The following BEND7 variants were observed in gnomAD, a reference collection of about 807,000 sequenced individuals.
BEND7 encodes the protein BEN domain-containing protein 7.
A neutral mutation model predicts 50.9 loss-of-function variants in BEND7; 28 were observed. The observed-to-expected ratio is 0.55, with a 90% CI of 0.41 to 0.75. BEND7 has a LOEUF of 0.75. BEND7 is among the 30% of genes least tolerant of loss of function. The probability of loss-of-function intolerance (pLI) is 0.00; values close to 1 mark genes in which losing one functional copy is unlikely to be tolerated. For missense variants in BEND7, 477 were observed against 491.3 expected, an observed-to-expected ratio of 0.97 and a Z score of 0.28; for synonymous variants, 170 against 183.9, an observed-to-expected ratio of 0.92 and a Z score of 0.61.
At chr10:13,475,707 C>T (rs934519358) in intron 6 of BEND7, among the ~76,000 whole-genome samples, 1 of 152,024 alleles carries the variant, frequency 6.6e-6, no homozygotes, top group African/African-American at 2.4e-5. Context: ...ATAAAGAATC[C>T]AAATGCTAGA....
intron 7 of BEND7, among the ~76,000 whole-genome samples, chr10:13,449,818 C>T (rs778993429): frequency 5.9e-5 from 9 of 152,066 alleles, no homozygotes; most frequent in East Asian, 1.9e-4. Flanking sequence ...AATCAGAACA[C>T]GCTAGCTGCA....
downstream of BEND7, among the ~76,000 whole-genome samples, chr10:13,439,931 TTC>T (rs1338557268): frequency 6.6e-6 from 1 of 152,216 alleles, no homozygotes; most frequent in African/African-American, 2.4e-5. Flanking sequence ...CGCCCGTCTT[TTC>T]TCTTTTATCC....
At chr10:13,454,736 A>G (rs1030429582) in intron 6 of BEND7, among the ~76,000 whole-genome samples, 8 of 152,176 alleles carry the variant, frequency 5.3e-5, no homozygotes, top group African/African-American at 1.7e-4. Flanking sequence ...AATATTTTCA[A>G]TCTGCAGCTG....
At chr10:13,461,593 C>T (rs1348227449) in intron 6 of BEND7, among the ~76,000 whole-genome samples, 1 of 152,088 alleles carries the variant, frequency 6.6e-6, no homozygotes, top group African/African-American at 2.4e-5. Context: ...ATTAGCTGGG[C>T]GTGGTGGTGC....
chr10:13,478,265 A>G (rs558174346), intron 6 of BEND7, among the ~76,000 whole-genome samples: 2 of 152,342 alleles, frequency 1.3e-5, no homozygotes, highest in East Asian at 1.9e-4. Flanking sequence ...GGAGTTCACA[A>G]CTGAGTTCCC....
chr10:13,492,520 C>T, intron 5 of BEND7, 91 bp downstream of exon 5: 2 of 1,486,170 alleles, frequency 1.3e-6, no homozygotes, highest in Non-Finnish European at 1.8e-6. Context: ...CTGCAAGTTT[C>T]TCTAGTTGTC....
chr10:13,453,253 C>T (rs1342466808), intron 6 of BEND7, among the ~76,000 whole-genome samples: 1 of 148,208 alleles, frequency 6.7e-6, no homozygotes, highest in Non-Finnish European at 1.5e-5. Context: ...GGACACAAGG[C>T]AGGCGGGACA....
At chr10:13,452,480 T>C (rs1837955132) in intron 7 of BEND7, 59 bp downstream of exon 7, 2 of 1,523,570 alleles carry the variant, frequency 1.3e-6, no homozygotes, top group African/African-American at 1.4e-5. Context: ...TATTGTACTT[T>C]ATAAAGTCTA....
chr10:13,458,495 G>A (rs1005522232), intron 6 of BEND7, among the ~76,000 whole-genome samples: 5 of 152,354 alleles, frequency 3.3e-5, no homozygotes, highest in Non-Finnish European at 5.9e-5. Context: ...AGAAGCAGGG[G>A]TAGGTGGGAA....
chr10:13,453,258 G>GGCA (rs1021073539), intron 6 of BEND7, among the ~76,000 whole-genome samples: 4 of 152,232 alleles, frequency 2.6e-5, no homozygotes, highest in Admixed American at 2.6e-4. Context: ...CAAGGCAGGC[G>GGCA]GGACAATGAT....
At chr10:13,460,818 G>C (rs1253676194) in intron 6 of BEND7, among the ~76,000 whole-genome samples, 3 of 152,192 alleles carry the variant, frequency 2.0e-5, no homozygotes, top group Admixed American at 6.5e-5. Context: ...TTACAAATCT[G>C]GGACTTAAAC....
At chr10:13,511,243 A>G (rs1177455652) in intron 2 of BEND7, 1 of 152,214 alleles carries the variant, frequency 6.6e-6, no homozygotes, top group Non-Finnish European at 1.5e-5. Context: ...AAGGGGAAAC[A>G]GTAGAAGGAG....
At chr10:13,442,760 A>T (rs970335675) in intron 8 of BEND7, 3 of 152,164 alleles carry the variant, frequency 2.0e-5, no homozygotes, top group African/African-American at 7.2e-5. Context: ...AACTTAGGTG[A>T]AAGGTTTTTC....
chr10:13,503,578 C>A (rs2077640106), intron 2 of BEND7, among the ~76,000 whole-genome samples: 1 of 152,108 alleles, frequency 6.6e-6, no homozygotes, highest in African/African-American at 2.4e-5. Flanking sequence ...CTGGGCGTGG[C>A]AGCGCGCGCC....
chr10:13,498,774 T>C (rs2077222576), intron 3 of BEND7, among the ~76,000 whole-genome samples: 1 of 152,186 alleles, frequency 6.6e-6, no homozygotes, highest in African/African-American at 2.4e-5. Flanking sequence ...CCCTCTAACC[T>C]GGAGGCATGC....
At chr10:13,505,532 G>A (rs2077814335) in intron 2 of BEND7, among the ~76,000 whole-genome samples, 2 of 152,200 alleles carry the variant, frequency 1.3e-5, no homozygotes, top group South Asian at 2.1e-4. Context: ...CTCCAGGGGT[G>A]TGCTACCCTC....
chr10:13,459,220 C>A (rs1387343662), intron 6 of BEND7, among the ~76,000 whole-genome samples: 1 of 152,126 alleles, frequency 6.6e-6, no homozygotes, highest in South Asian at 2.1e-4. Context: ...TGGTGGCCAA[C>A]TGGGGAGAGG....
chr10:13,493,010 T>A, intron 4 of BEND7, 134 bp from the exon 5 acceptor site: 1 of 1,078,100 alleles, frequency 9.3e-7, no homozygotes, highest in Non-Finnish European at 1.3e-6. Flanking sequence ...ACTAAATAAA[T>A]CTCCAACTGG....
At position 13,499,922 on chromosome 10, in the gene BEND7, A is replaced by T. The variant is rs2077316972; in HGVS notation, c.304T>A (p.Ser102Thr). 1.9e-6 allele frequency: 3 copies of T among 1,614,066 alleles called. No individual in the cohort carries two copies. In the African/African-American group the frequency reaches 4.0e-5, roughly 22 times the overall value. Residue 102 changes from serine to threonine, a missense_variant, in exon 3 of 9, where the codon TCT becomes ACT. Physicochemically the swap from Ser to Thr is moderately conservative, Grantham distance 58. Coordinates refer to ENST00000466271, the MANE Select transcript of BEND7 (RefSeq NM_001369863.1). ...TGGAGGCTTTGCGGGGCCTCAGCAG[A>T]GGAGTTCAAACGTGGAGGCCAGACT... ...DLVWPPRLNS[S>T]AEAPQSLHPS...
Sources: allele counts gnomAD v4.1 joint callset (sites outside exome capture counted in the v4.1 genomes callset), GRCh38; gene constraint gnomAD v4.1.1; transcripts MANE v1.5; gene names NCBI Gene and HGNC (gene_info 2026-07-23, HGNC 2026-07-21).